The following SEMA6A variants were observed in gnomAD, a reference collection of about 807,000 sequenced individuals.
SEMA6A encodes semaphorin-6A.
A neutral mutation model predicts 96.8 loss-of-function variants in SEMA6A; 25 were observed. That is an observed-to-expected ratio of 0.26 (90% CI 0.19 to 0.36). The LOEUF is 0.36. Ranked by LOEUF, SEMA6A falls within the 10% of genes least tolerant of loss-of-function variation. The pLI is 1.00. For missense variants in SEMA6A, 1,363 were observed against 1,323.1 expected, an observed-to-expected ratio of 1.03 and a Z score of -0.47; for synonymous variants, 612 against 518.0, an observed-to-expected ratio of 1.18 and a Z score of -2.46.
chr5:116,550,999 T>C (rs1204937667), intron 1 of SEMA6A, among the ~76,000 whole-genome samples: 10 of 152,156 alleles, frequency 6.6e-5, no homozygotes, highest in African/African-American at 2.4e-4. Context: ...AGCACCATTT[T>C]CAAACGCTGG....
intron 1 of SEMA6A, among the ~76,000 whole-genome samples, chr5:116,522,967 TA>T (rs1759027803): frequency 6.6e-6 from 1 of 152,156 alleles, no homozygotes; most frequent in Non-Finnish European, 1.5e-5. Flanking sequence ...GGAGATTGAC[TA>T]AACTAGAGAG....
At chr5:116,490,983 T>C (rs75326284) in intron 7 of SEMA6A, among the ~76,000 whole-genome samples, 1,795 of 152,334 alleles carry the variant, frequency 0.012, 58 homozygotes, top group East Asian at 0.063. Context: ...GCTATTTCTT[T>C]ATATCTTTTG....
At chr5:116,513,824 C>G (rs924927489) in intron 1 of SEMA6A, among the ~76,000 whole-genome samples, 2 of 152,146 alleles carry the variant, frequency 1.3e-5, no homozygotes, top group African/African-American at 4.8e-5. Flanking sequence ...TGTTCTTCCC[C>G]GTGTGTCCAT....
chr5:116,570,470 C>T (rs993834519), intron 1 of SEMA6A, among the ~76,000 whole-genome samples: 25 of 152,220 alleles, frequency 1.6e-4, no homozygotes, highest in African/African-American at 6.0e-4. Flanking sequence ...CACTCCTCTA[C>T]TCTAGGAGGA....
intron 9 of SEMA6A, chr5:116,487,372 G>T: frequency 5.6e-6 from 1 of 180,058 alleles, no homozygotes; most frequent in Non-Finnish European, 1.2e-5. Flanking sequence ...CTCCAACTTA[G>T]GGACCTTGAT....
In SEMA6A at chr5:116,447,279, G is replaced by A; in HGVS notation, c.2427C>T (p.Pro809=). Residue 809 remains proline (P), a synonymous_variant, in exon 19 of 19, where the codon CCC becomes CCT. Coordinates refer to ENST00000343348, the MANE Select transcript of SEMA6A (RefSeq NM_020796.5). ...IPTDLPLRAS[P]SHIPSVVVLP... ...GGACCACCACGCTGGGGATGTGGCT[G>A]GGGGAGGCCCGCAGGGGCAGGTCCG... The A allele has an allele frequency of 1.9e-6, 3 of 1,613,728 alleles. No homozygotes were observed. The highest frequency in any genetic ancestry group is 2.5e-6 in the Non-Finnish European group (3 of 1,179,900).
chr5:116,499,393 T>G (rs888396518), intron 3 of SEMA6A, among the ~76,000 whole-genome samples: 38 of 112,218 alleles, frequency 3.4e-4, no homozygotes, highest in Admixed American at 4.0e-4. Context: ...TGTGTTGCCA[T>G]GGCTTGAACC....
intron 1 of SEMA6A, among the ~76,000 whole-genome samples, chr5:116,538,701 A>G (rs1175951383): frequency 6.6e-6 from 1 of 152,186 alleles, no homozygotes; most frequent in Non-Finnish European, 1.5e-5. Context: ...TATATTAAAT[A>G]TACAAATAAT....
At chr5:116,496,086 A>C (rs965035834) in intron 5 of SEMA6A, 165 bp downstream of exon 5, 3 of 598,214 alleles carry the variant, frequency 5.0e-6, no homozygotes, top group Non-Finnish European at 8.9e-6. Flanking sequence ...CATTAAAAGC[A>C]AACTATTTTT....
chr5:116,553,651 C>T (rs1029019469), intron 1 of SEMA6A, among the ~76,000 whole-genome samples: 1 of 152,114 alleles, frequency 6.6e-6, no homozygotes, highest in African/African-American at 2.4e-5. Flanking sequence ...TAGTACCCGG[C>T]CTTGGTTGCT....
chr5:116,503,389 C>A (rs572879978), intron 2 of SEMA6A, among the ~76,000 whole-genome samples: 23 of 152,288 alleles, frequency 1.5e-4, no homozygotes, highest in African/African-American at 5.3e-4. Flanking sequence ...TTCCCTTCCA[C>A]TGCTTTGAAA....
chr5:116,474,298 A>G (rs969478407), intron 16 of SEMA6A, among the ~76,000 whole-genome samples: 6 of 151,814 alleles, frequency 4.0e-5, no homozygotes, highest in Non-Finnish European at 7.4e-5. Flanking sequence ...ACACACACAC[A>G]CACACACACA....
chr5:116,573,010 C>A lies in SEMA6A; in HGVS notation c.-39+1175G>T, dbSNP rs138855036. On this transcript the variant is annotated intron_variant, in intron 1 of 18. Transcript: ENST00000343348. ...CCCGACGTCCACAAGCCCGGGACCG[C>A]TCCCTGGCTCCCCCCGTGCCGCTCG... Among the ~76,000 whole-genome samples the A allele has an allele frequency of 6.3e-4, 96 of 152,258 alleles. 2 individuals are homozygous for A. The East Asian group carries it at 0.015, about 23-fold the overall frequency.
chr5:116,496,610 C>G (rs1757614392), intron 4 of SEMA6A, among the ~76,000 whole-genome samples: 1 of 152,130 alleles, frequency 6.6e-6, no homozygotes, highest in Non-Finnish European at 1.5e-5. Context: ...CATAAACTAT[C>G]CAAATTAATT....
chr5:116,450,440 T>C (rs1314024263), intron 18 of SEMA6A, among the ~76,000 whole-genome samples: 1 of 152,232 alleles, frequency 6.6e-6, no homozygotes, highest in Non-Finnish European at 1.5e-5. Context: ...AGAGTAAAGC[T>C]AGAGCAATTC....
intron 3 of SEMA6A, among the ~76,000 whole-genome samples, chr5:116,498,141 G>A (rs2431386): frequency 0.017 from 2,550 of 152,210 alleles, 28 homozygotes; most frequent in Non-Finnish European, 0.024. Flanking sequence ...GTACAAGGGC[G>A]TTTTTGTCTG....
chr5:116,446,313 C>G lies in SEMA6A; in HGVS notation c.*300G>C. On this transcript the variant is annotated 3_prime_UTR_variant, in exon 19 of 19. Coordinates refer to ENST00000343348, the MANE Select transcript of SEMA6A (RefSeq NM_020796.5). ...GGGTGGGGGATGGGGTAGGTATGTG[C>G]TTTTGGCTCATGTTTGTGATGATAA... The G allele has an allele frequency of 7.2e-6, 2 of 277,412 alleles. No homozygotes were observed. The highest frequency in any genetic ancestry group is 1.2e-4 in the South Asian group (1 of 8,648). 17.2% of individuals were successfully genotyped at this position (277,412 alleles called of 1,614,324 possible).
chr5:116,534,578 T>C (rs1177323995), intron 1 of SEMA6A, among the ~76,000 whole-genome samples: 1 of 152,248 alleles, frequency 6.6e-6, no homozygotes, highest in Non-Finnish European at 1.5e-5. Context: ...AGAGCTTCTT[T>C]GACCAAATCA....
chr5:116,556,636 G>A (rs987947260), intron 1 of SEMA6A, among the ~76,000 whole-genome samples: 4 of 152,128 alleles, frequency 2.6e-5, no homozygotes, highest in Admixed American at 6.6e-5. Flanking sequence ...AACCTCCAGA[G>A]CCCATACTTT....
Sources: gnomAD v4.1 joint callset for allele counts (sites outside exome capture counted in the v4.1 genomes callset) on GRCh38, gnomAD v4.1.1 for gene constraint, MANE v1.5 for transcripts, NCBI Gene and HGNC (gene_info 2026-07-23, HGNC 2026-07-21) for gene names.